IPCEF1: variants seen among roughly 807,000 people sequenced by gnomAD.
IPCEF1 encodes interactor protein for cytohesin exchange factors 1.
In IPCEF1, 31 loss-of-function variants were observed where a neutral mutation model predicts 50.9. The ratio of observed to expected loss-of-function variants is 0.61; its 90% confidence interval spans 0.46 to 0.82. IPCEF1 has a LOEUF of 0.82. Ranked by LOEUF, IPCEF1 falls within the 40% of genes least tolerant of loss-of-function variation. The probability of loss-of-function intolerance (pLI) is 0.00; values close to 1 mark genes in which losing one functional copy is unlikely to be tolerated. For synonymous variants in IPCEF1, 181 were observed against 192.0 expected (o/e 0.94, Z 0.47); for missense variants, 458 against 514.0 (o/e 0.89, Z 1.05).
Position 154,246,736 on chromosome 6 carries a change from C to G in IPCEF1, c.101G>C (p.Arg34Thr). The G allele has an allele frequency of 6.2e-7, 1 of 1,613,966 alleles. No homozygotes were observed. The highest frequency in any genetic ancestry group is 2.2e-5 in the East Asian group (1 of 44,882). Residue 34 changes from arginine (R) to threonine (T), a missense_variant, in exon 5 of 12, where the codon AGG (arginine) becomes ACG (threonine). Arg to Thr is a moderately conservative substitution (Grantham distance 71). Transcript: ENST00000367220. Reference protein sequence around the residue: ...TQGFLTMSRRRISCKDLGHAD... With the variant: ...TQGFLTMSRRTISCKDLGHAD... The stretch of plus-strand genomic sequence containing the variant: ...ATGGCCCAGATCTTTACACGATATC[C>G]TCCTCCGACTCATCGTGAGAAAACC...
intron 1 of IPCEF1, among the ~76,000 whole-genome samples, chr6:154,349,117 G>C (rs568091333): frequency 6.6e-6 from 1 of 151,828 alleles, no homozygotes; most frequent in Admixed American, 6.6e-5. Context: ...TTAAATTAAG[G>C]TTCCTGGGAA....
intron 11 of IPCEF1, among the ~76,000 whole-genome samples, chr6:154,160,884 A>T (rs562956303): frequency 2.6e-5 from 4 of 152,314 alleles, no homozygotes; most frequent in African/African-American, 9.6e-5. Flanking sequence ...GAGCGAGACC[A>T]CTGCCTCCAA....
intron 9 of IPCEF1, among the ~76,000 whole-genome samples, chr6:154,211,217 C>A (rs1227581489): frequency 6.6e-6 from 1 of 151,998 alleles, no homozygotes; most frequent in Non-Finnish European, 1.5e-5. Flanking sequence ...GAGATTGAGA[C>A]CATCCTGGCT....
chr6:154,157,665 A>G lies in IPCEF1; in HGVS notation c.*2163T>C, dbSNP rs1227642988. The G allele has an allele frequency of 6.6e-6, 1 of 152,228 alleles. No individual in the cohort carries two copies. Among genetic ancestry groups the G allele is most frequent in the African/African-American group, 2.4e-5 (1 of 41,448 alleles). The allele number at this position is 152,228 out of a possible 1,614,324, so 9.4% of individuals were successfully genotyped here. On this transcript the variant is annotated 3_prime_UTR_variant, in exon 12 of 12. Transcript: ENST00000367220. ...GTCTGGAGCTCTTCAATTTAAGAAAAACTGGAAGTCTACAGGCTGGTGTTG... is the reference window on the plus strand; with the variant it reads ...GTCTGGAGCTCTTCAATTTAAGAAAGACTGGAAGTCTACAGGCTGGTGTTG...
chr6:154,224,099 G>A (rs1779071171), intron 5 of IPCEF1, among the ~76,000 whole-genome samples: 1 of 152,186 alleles, frequency 6.6e-6, no homozygotes, highest in Non-Finnish European at 1.5e-5. Context: ...ATCTACACTG[G>A]TGTCTCTGAG....
At chr6:154,250,412 A>G (rs1781308700) in intron 3 of IPCEF1, among the ~76,000 whole-genome samples, 1 of 152,206 alleles carries the variant, frequency 6.6e-6, no homozygotes, top group Non-Finnish European at 1.5e-5. Context: ...AAACTAAAAA[A>G]TTATTCTAAA....
At chr6:154,204,980 C>G (rs1430240844) in intron 9 of IPCEF1, among the ~76,000 whole-genome samples, 1 of 152,188 alleles carries the variant, frequency 6.6e-6, no homozygotes, top group African/African-American at 2.4e-5. Flanking sequence ...CTGGTCCCTT[C>G]TGCCAGAAAG....
At chr6:154,206,511 T>C (rs1275180690) in intron 9 of IPCEF1, among the ~76,000 whole-genome samples, 1 of 152,172 alleles carries the variant, frequency 6.6e-6, no homozygotes, top group Non-Finnish European at 1.5e-5. Context: ...TGAAAAGATA[T>C]TGGGCACTGG....
intron 1 of IPCEF1, among the ~76,000 whole-genome samples, chr6:154,334,092 T>G (rs1783738251): frequency 6.6e-6 from 1 of 152,186 alleles, no homozygotes; most frequent in Non-Finnish European, 1.5e-5. Flanking sequence ...GATCAGGCAT[T>G]TATCAGCCCA....
chr6:154,349,789 G>C (rs1784092342), intron 1 of IPCEF1, among the ~76,000 whole-genome samples: 1 of 152,058 alleles, frequency 6.6e-6, no homozygotes, highest in Admixed American at 6.6e-5. Flanking sequence ...CTACTGCATA[G>C]TTAGAAAAAG....
chr6:154,332,159 T>C (rs1045093793), intron 1 of IPCEF1, among the ~76,000 whole-genome samples: 1 of 152,134 alleles, frequency 6.6e-6, no homozygotes, highest in Admixed American at 6.6e-5. Flanking sequence ...CCAATGAAAC[T>C]CCGCCATAAT....
chr6:154,322,968 A>G (rs1031817972), intron 1 of IPCEF1, among the ~76,000 whole-genome samples: 4 of 152,162 alleles, frequency 2.6e-5, no homozygotes, highest in African/African-American at 9.7e-5. Context: ...AACAAAACAA[A>G]TATATGAAAC....
chr6:154,223,395 G>C (rs1220561489), intron 5 of IPCEF1, 152 bp from the exon 6 acceptor site: 14 of 660,704 alleles, frequency 2.1e-5, no homozygotes, highest in Non-Finnish European at 3.5e-5. Flanking sequence ...AGGTGTCCCA[G>C]ATACACAGCT....
intron 5 of IPCEF1, among the ~76,000 whole-genome samples, chr6:154,224,970 C>T (rs1214154075): frequency 6.6e-6 from 1 of 152,130 alleles, no homozygotes; most frequent in Non-Finnish European, 1.5e-5. Context: ...TGTGGATTCT[C>T]AATCCGCCTT....
In IPCEF1 at chr6:154,156,087, T is replaced by A. The variant is rs1205536769; in HGVS notation, c.*3741A>T. On this transcript the variant is annotated 3_prime_UTR_variant, in exon 12 of 12. Transcript: ENST00000367220. ...AACACTCTCCATTTCTTTAAATATATGTTTTTCATCCAAGGATCACACAGC... is the reference window on the plus strand; with the variant it reads ...AACACTCTCCATTTCTTTAAATATAAGTTTTTCATCCAAGGATCACACAGC... 6.6e-6 allele frequency: 1 copy of A among 152,248 alleles called. No individual in the cohort carries two copies. The highest frequency in any genetic ancestry group is 1.5e-5 in the Non-Finnish European group (1 of 68,056). 9.4% of individuals were successfully genotyped at this position (152,248 alleles called of 1,614,324 possible).
chr6:154,221,271 C>T lies in IPCEF1; in HGVS notation c.378G>A (p.Val126=). The T allele has an allele frequency of 6.2e-7, 1 of 1,613,848 alleles. No homozygotes were observed. ...CCTCTACTTACACGTTCATTTCCTG[C>T]ACATTCTCAGCTGCAAAATAAAAGG... is the stretch of plus-strand genomic sequence containing the variant. ...IKTFYFAAEN[V]QEMNVWLNKL... The change falls in exon 7 of 12, where the codon GTG becomes GTA. Residue 126 remains valine (V), a synonymous_variant. Transcript: ENST00000367220.
intron 3 of IPCEF1, among the ~76,000 whole-genome samples, 161 bp downstream of exon 3, chr6:154,265,751 C>A (rs1299267939): frequency 1.3e-5 from 2 of 152,134 alleles, no homozygotes; most frequent in East Asian, 3.8e-4. Context: ...TGCTTGATAA[C>A]CATAAGACCG....
intron 11 of IPCEF1, among the ~76,000 whole-genome samples, chr6:154,162,342 C>T (rs1441200177): frequency 6.6e-6 from 1 of 152,194 alleles, no homozygotes; most frequent in African/African-American, 2.4e-5. Context: ...TCTACTTTTT[C>T]CTGTCTCCAG....
In IPCEF1 at chr6:154,247,482, G is replaced by T. The variant is rs748523467; in HGVS notation, c.43C>A (p.Pro15Thr). The T allele has an allele frequency of 1.2e-6, 2 of 1,612,276 alleles. No individual in the cohort carries two copies. Among genetic ancestry groups the T allele is most frequent in the South Asian group, 2.2e-5 (2 of 90,954 alleles). ...TTCCTCCTGGGCTTCTGACGCAAGG[G>T]AACCTGCTGAAAATGCAGGAAGGAA... ...MAIDGSALQVPLRQKPRRKTQ... is the reference protein window; with the variant it reads ...MAIDGSALQVTLRQKPRRKTQ... Residue 15 changes from proline (P) to threonine (T), a missense_variant, in exon 4 of 12, where the codon CCC (proline) becomes ACC (threonine). Transcript: ENST00000367220.
Sources: allele counts gnomAD v4.1 joint callset (sites outside exome capture counted in the v4.1 genomes callset), GRCh38; gene constraint gnomAD v4.1.1; transcripts MANE v1.5; gene names NCBI Gene and HGNC (gene_info 2026-07-23, HGNC 2026-07-21).